Variants in SOX5 observed in about 807,000 individuals in gnomAD.
The protein encoded by SOX5 is SRY-box transcription factor 5.
SOX5 carries 9 observed loss-of-function variants against 92.0 expected under a neutral mutation model. The ratio of observed to expected loss-of-function variants is 0.10; its 90% CI spans 0.06 to 0.17. The LOEUF is 0.17. SOX5 is among the 10% of genes least tolerant of loss of function. The probability of loss-of-function intolerance (pLI) is 1.00; values close to 1 mark genes in which losing one functional copy is unlikely to be tolerated. For missense variants in SOX5, 642 were observed against 944.5 expected (o/e 0.68, Z 4.20); for synonymous variants, 344 against 336.3 (o/e 1.02, Z -0.25).
In SOX5 at chr12:24,295,332, A is replaced by G. The variant is rs536650935; in HGVS notation, c.-173-18020T>C. On this transcript the variant is annotated intron_variant, in intron 2 of 4. Coordinates refer to the SOX5 transcript ENST00000446891. ...CTTCAATACCCTCTTGTTTAAGTAC[A>G]TGTATCTATTCAAAGTCTTTGTTGC... Among the ~76,000 whole-genome samples the G allele has an allele frequency of 6.6e-5, 10 of 152,274 alleles. No homozygotes were observed. In the South Asian group the frequency reaches 1.9e-3, roughly 28 times the overall value.
At chr12:24,559,401 G>A (rs527565048) in intron 1 of SOX5, among the ~76,000 whole-genome samples, 29 of 152,188 alleles carry the variant, frequency 1.9e-4, no homozygotes, top group Non-Finnish European at 2.9e-4. Context: ...AGAACTCTCC[G>A]TTATTTGAAA....
At chr12:23,798,762 T>C (rs994775346) in intron 3 of SOX5, among the ~76,000 whole-genome samples, 2 of 151,956 alleles carry the variant, frequency 1.3e-5, no homozygotes, top group African/African-American at 4.8e-5. Context: ...AAAAACTTGA[T>C]AAATTTGAGA....
intron 9 of SOX5, among the ~76,000 whole-genome samples, chr12:23,579,454 G>A (rs60942352): frequency 8.6e-4 from 131 of 151,856 alleles, no homozygotes; most frequent in East Asian, 1.5e-3. Context: ...ATATTATTTC[G>A]CAATTTTGTT....
At chr12:24,148,245 C>T (rs1455805658) in intron 4 of SOX5, among the ~76,000 whole-genome samples, 1 of 151,884 alleles carries the variant, frequency 6.6e-6, no homozygotes, top group African/African-American at 2.4e-5. Flanking sequence ...GCCTGTAATC[C>T]CAGCACTTTG....
chr12:23,530,231 GTTGT>G lies in SOX5; in HGVS notation c.*3984_*3987del, dbSNP rs1274344186. Reference sequence around the variant, plus strand: ...TTATAAACCTGTTTGTAAATATACAGTTGTTTATTACAATTCAACAATTTACCCA... The same window carrying G: ...TTATAAACCTGTTTGTAAATATACAGTTATTACAATTCAACAATTTACCCA... On this transcript the variant is annotated 3_prime_UTR_variant, in exon 15 of 15. Coordinates refer to ENST00000451604, the MANE Select transcript of SOX5 (RefSeq NM_006940.6). 6.6e-6 allele frequency: 1 copy of G among 152,108 alleles called. No individual in the cohort carries two copies. The highest frequency in any genetic ancestry group is 3.2e-3 in the Middle Eastern group (1 of 314). 9.4% of individuals were successfully genotyped at this position (152,108 alleles called of 1,614,324 possible). A position where few individuals can be genotyped will look rare whatever the true frequency, so the allele number is the denominator to read the frequency against.
At chr12:23,691,656 C>G (rs2088839248) in intron 6 of SOX5, among the ~76,000 whole-genome samples, 4 of 151,994 alleles carry the variant, frequency 2.6e-5, no homozygotes, top group South Asian at 2.1e-4. Context: ...AAATTAGTAG[C>G]AAAAGGTATT....
chr12:24,410,833 CT>C (rs1299020740), intron 1 of SOX5, among the ~76,000 whole-genome samples: 3 of 152,126 alleles, frequency 2.0e-5, no homozygotes, highest in African/African-American at 4.8e-5. Flanking sequence ...AATTTTTCTT[CT>C]CTGTATCTAC....
intron 2 of SOX5, among the ~76,000 whole-genome samples, chr12:23,867,267 C>T (rs2096824491): frequency 6.6e-6 from 1 of 151,994 alleles, no homozygotes; most frequent in African/African-American, 2.4e-5. Flanking sequence ...TATGTCAAAC[C>T]CAACAATGAT....
chr12:24,326,316 G>A (rs12827755), intron 2 of SOX5, among the ~76,000 whole-genome samples: 4,853 of 152,000 alleles, frequency 0.032, 101 homozygotes, highest in Non-Finnish European at 0.053. Context: ...AACAATCTAG[G>A]ATGCAATTTG....
intron 2 of SOX5, among the ~76,000 whole-genome samples, chr12:24,278,741 A>G (rs1944801532): frequency 6.6e-6 from 1 of 152,114 alleles, no homozygotes; most frequent in African/African-American, 2.4e-5. Context: ...GCCAACCAAA[A>G]CAACAACAAA....
At chr12:24,472,590 A>G (rs1330733190) in intron 1 of SOX5, among the ~76,000 whole-genome samples, 1 of 152,202 alleles carries the variant, frequency 6.6e-6, no homozygotes, top group African/African-American at 2.4e-5. Flanking sequence ...AATGGTTAAC[A>G]TAAGTTGAAT....
chr12:24,214,700 C>T (rs560425961), intron 3 of SOX5, among the ~76,000 whole-genome samples: 2 of 152,072 alleles, frequency 1.3e-5, no homozygotes, highest in Non-Finnish European at 2.9e-5. Flanking sequence ...AATGACAATA[C>T]TTCAAACTGT....
intron 3 of SOX5, among the ~76,000 whole-genome samples, chr12:24,231,110 C>T (rs1274140611): frequency 1.3e-5 from 2 of 152,162 alleles, no homozygotes; most frequent in Non-Finnish European, 2.9e-5. Flanking sequence ...CCAGCTCTGA[C>T]CTTTGTTATT....
intron 1 of SOX5, among the ~76,000 whole-genome samples, chr12:24,424,807 TTG>T (rs1491358048): frequency 2.3e-4 from 30 of 131,220 alleles, no homozygotes; most frequent in East Asian, 4.8e-4. Flanking sequence ...AGTTTTTTTT[TTG>T]GGGGGGGGGG....
At chr12:24,529,259 C>A (rs1442244080) in intron 1 of SOX5, among the ~76,000 whole-genome samples, 1 of 152,182 alleles carries the variant, frequency 6.6e-6, no homozygotes, top group African/African-American at 2.4e-5. Context: ...ACGTGGCTTC[C>A]ATGAATTCAG....
intron 1 of SOX5, among the ~76,000 whole-genome samples, chr12:24,516,966 T>TAA (rs1447317269): frequency 6.6e-6 from 1 of 152,180 alleles, no homozygotes; most frequent in African/African-American, 2.4e-5. Context: ...AGAATTAGTC[T>TAA]AAAAATCTTA....
chr12:24,169,005 C>G (rs374368166), intron 4 of SOX5, among the ~76,000 whole-genome samples: 1 of 152,034 alleles, frequency 6.6e-6, no homozygotes, highest in East Asian at 1.9e-4. Context: ...AGGTGTAGCT[C>G]TTGAATGTAA....
Position 23,749,058 on chromosome 12 carries a change from T to C in SOX5, c.568+6580A>G, listed in dbSNP as rs185636347. Reference sequence around the variant, plus strand: ...GAAGCTTCTTTCAGCAGCACTCTTATCCAACAAAAAGAGAAAAGGTAGACC... The same window carrying C: ...GAAGCTTCTTTCAGCAGCACTCTTACCCAACAAAAAGAGAAAAGGTAGACC... On this transcript the variant is annotated intron_variant, in intron 4 of 14. Coordinates refer to ENST00000451604, the MANE Select transcript of SOX5 (RefSeq NM_006940.6). 6.5e-3 allele frequency among the ~76,000 whole-genome samples: 993 copies of C among 151,872 alleles called. 7 individuals are homozygous for C. The highest frequency in any genetic ancestry group is 0.024 in the Middle Eastern group (7 of 294).
At chr12:23,998,898 T>C (rs1951310429) in intron 4 of SOX5, among the ~76,000 whole-genome samples, 1 of 148,128 alleles carries the variant, frequency 6.8e-6, no homozygotes. Flanking sequence ...ACATTAAATA[T>C]ATAATCAAGA....
Sources: gnomAD v4.1 joint callset for allele counts (sites outside exome capture counted in the v4.1 genomes callset) on GRCh38, gnomAD v4.1.1 for gene constraint, MANE v1.5 for transcripts, NCBI Gene and HGNC (gene_info 2026-07-23, HGNC 2026-07-21) for gene names.